Variants in MIPOL1 observed in about 807,000 individuals in gnomAD.
The protein encoded by MIPOL1 is mirror-image polydactyly gene 1 protein.
MIPOL1 carries 57 observed loss-of-function variants against 60.9 expected under a neutral mutation model. The ratio of observed to expected loss-of-function variants is 0.94; its 90% CI spans 0.76 to 1.17. The LOEUF is 1.17. MIPOL1 is among the 50% of genes most tolerant of loss of function. MIPOL1 has a pLI of 0.00. For missense variants in MIPOL1, 551 were observed against 511.6 expected, an observed-to-expected ratio of 1.08 and a Z score of -0.74; for synonymous variants, 179 against 168.8, an observed-to-expected ratio of 1.06 and a Z score of -0.47.
At chr14:37,216,503 A>G (rs2139414611) in intron 1 of MIPOL1, among the ~76,000 whole-genome samples, 1 of 152,360 alleles carries the variant, frequency 6.6e-6, no homozygotes, top group South Asian at 2.1e-4. Flanking sequence ...TAGCACATGC[A>G]TCATTCTCAT....
At chr14:37,331,410 A>AGT (rs957105984) in intron 9 of MIPOL1, among the ~76,000 whole-genome samples, 14 of 151,082 alleles carry the variant, frequency 9.3e-5, no homozygotes, top group South Asian at 6.3e-4. Context: ...TCCAGTTTTT[A>AGT]GTGTGTGTGT....
At chr14:37,483,058 T>C (rs2094895585) in intron 11 of MIPOL1, among the ~76,000 whole-genome samples, 2 of 152,080 alleles carry the variant, frequency 1.3e-5, no homozygotes, top group East Asian at 1.9e-4. Flanking sequence ...TTATACTATA[T>C]GTTTAGGGAA....
At chr14:37,332,305 A>G (rs759587657) in intron 9 of MIPOL1, among the ~76,000 whole-genome samples, 21 of 152,124 alleles carry the variant, frequency 1.4e-4, no homozygotes, top group Non-Finnish European at 2.8e-4. Context: ...TTTGAAATAT[A>G]TTGAAATGAT....
intron 10 of MIPOL1, among the ~76,000 whole-genome samples, chr14:37,387,992 C>G (rs1829781483): frequency 1.3e-5 from 2 of 151,694 alleles, no homozygotes; most frequent in Admixed American, 1.3e-4. Context: ...TAAAACGATG[C>G]AAATGTTTGA....
In MIPOL1 at chr14:37,237,659, G is replaced by A. The variant is rs944474182; in HGVS notation, c.-198-9444G>A. Reference sequence around the variant, plus strand: ...GGCTGGGTCTTGTGTTGCTCAGGCTGGTCTTCAACTCCTGACCTTAAATGA... The same window carrying A: ...GGCTGGGTCTTGTGTTGCTCAGGCTAGTCTTCAACTCCTGACCTTAAATGA... On this transcript the variant is annotated intron_variant, in intron 1 of 12. Transcript: ENST00000684589. Among the ~76,000 whole-genome samples, 136 of 152,222 alleles carry A rather than the reference G, an allele frequency of 8.9e-4. 1 individual carries two copies. Among genetic ancestry groups the A allele is most frequent in the Non-Finnish European group, 5.9e-5 (4 of 68,016 alleles).
intron 9 of MIPOL1, among the ~76,000 whole-genome samples, chr14:37,355,676 C>A (rs1297422570): frequency 7.8e-6 from 1 of 127,838 alleles, no homozygotes; most frequent in East Asian, 2.4e-4. Context: ...ATCGCTGATA[C>A]CCTTTCTTCC....
intron 6 of MIPOL1, among the ~76,000 whole-genome samples, chr14:37,284,025 A>G (rs1442712329): frequency 1.3e-5 from 2 of 151,864 alleles, no homozygotes; most frequent in African/African-American, 4.8e-5. Flanking sequence ...CCCACATTGC[A>G]GTAATGTTTT....
chr14:37,277,582 C>G lies in MIPOL1; in HGVS notation c.493+7057C>G, dbSNP rs751484634. The stretch of plus-strand genomic sequence containing the variant: ...GTAATCGAGGGTTTTTTAAAAAATG[C>G]TTTTGATTCATTGTCTTGCTACTGA... On this transcript the variant is annotated intron_variant, in intron 6 of 12. Transcript: ENST00000684589. The G allele has an allele frequency of 2.0e-5, 3 of 150,984 alleles. No homozygotes were observed. The South Asian group carries it at 6.2e-4, about 31-fold the overall frequency. 9.4% of individuals were successfully genotyped at this position (150,984 alleles called of 1,614,324 possible).
At chr14:37,423,021 T>C (rs1249013723) in intron 11 of MIPOL1, 72 bp downstream of exon 11, 4 of 926,758 alleles carry the variant, frequency 4.3e-6, no homozygotes, top group East Asian at 5.3e-5. Context: ...GATTTTACAA[T>C]AGTGAATGAG....
chr14:37,357,982 C>G (rs1444420204), intron 9 of MIPOL1, among the ~76,000 whole-genome samples: 1 of 151,966 alleles, frequency 6.6e-6, no homozygotes, highest in East Asian at 1.9e-4. Context: ...AATGCTATCC[C>G]TCCCCCAGCT....
Position 37,422,915 on chromosome 14 carries a change from G to A in MIPOL1, c.997G>A (p.Glu333Lys), listed in dbSNP as rs778977887. ...ETAVQQYKKL[E>K]EEIQTLRVYY... is the part of the protein sequence containing the mutation. ...TGCAGTTCAACAGTACAAAAAACTG[G>A]AAGAGGAAATCCAGACCCTTCGAGT... The change falls in exon 11 of 13, where the codon GAA (glutamate) becomes AAA (lysine). Residue 333 changes from glutamate (E) to lysine (K), a missense_variant. By Grantham distance (56) the Glu-to-Lys change is moderately conservative. Transcript: ENST00000684589. The A allele has an allele frequency of 1.1e-5, 18 of 1,609,002 alleles. No individual in the cohort carries two copies. The South Asian group carries it at 1.3e-4, about 12-fold the overall frequency.
chr14:37,541,119 C>T (rs1943797509), intron 12 of MIPOL1, among the ~76,000 whole-genome samples: 1 of 152,136 alleles, frequency 6.6e-6, no homozygotes, highest in African/African-American at 2.4e-5. Flanking sequence ...TTCACTTCAG[C>T]TACTCACTCT....
At chr14:37,294,651 C>T (rs6571801) in intron 7 of MIPOL1, among the ~76,000 whole-genome samples, 46,216 of 151,942 alleles carry the variant, frequency 0.3, 7,254 homozygotes, top group East Asian at 0.46. Context: ...ACGAGAACTA[C>T]GTGATGAATG....
At chr14:37,360,820 C>T (rs902337846) in intron 9 of MIPOL1, among the ~76,000 whole-genome samples, 1 of 152,138 alleles carries the variant, frequency 6.6e-6, no homozygotes, top group South Asian at 2.1e-4. Context: ...CTATTTCTTT[C>T]AGTTCTGCTC....
chr14:37,483,500 G>A (rs1231020924), intron 11 of MIPOL1, among the ~76,000 whole-genome samples: 2 of 152,038 alleles, frequency 1.3e-5, no homozygotes, highest in African/African-American at 4.8e-5. Flanking sequence ...ATGTATTCTA[G>A]GGCCAACTGT....
At chr14:37,523,691 G>C (rs2095428721) in intron 12 of MIPOL1, 1 of 337,994 alleles carries the variant, frequency 3.0e-6, no homozygotes, top group African/African-American at 2.1e-5. Flanking sequence ...ACTGTGTTAG[G>C]CACTGATGAA....
intron 11 of MIPOL1, among the ~76,000 whole-genome samples, chr14:37,479,391 G>A (rs2094827162): frequency 6.6e-6 from 1 of 151,892 alleles, no homozygotes; most frequent in Non-Finnish European, 1.5e-5. Context: ...AAGAACAAGA[G>A]GAATTTTAGG....
At chr14:37,522,894 G>A (rs911631531) in intron 12 of MIPOL1, among the ~76,000 whole-genome samples, 4 of 151,996 alleles carry the variant, frequency 2.6e-5, no homozygotes, top group African/African-American at 9.7e-5. Context: ...TAATAGATAT[G>A]AATCCTATTT....
intron 3 of MIPOL1, among the ~76,000 whole-genome samples, chr14:37,252,216 TATC>T (rs1332595788): frequency 4.6e-5 from 7 of 151,744 alleles, no homozygotes; most frequent in Non-Finnish European, 1.0e-4. Flanking sequence ...ATTTATGTAT[TATC>T]TAAATTTAGA....
Sources: allele counts gnomAD v4.1 joint callset (sites outside exome capture counted in the v4.1 genomes callset), GRCh38; gene constraint gnomAD v4.1.1; transcripts MANE v1.5; gene names NCBI Gene and HGNC (gene_info 2026-07-23, HGNC 2026-07-21).